The following GLIS3 variants were observed in gnomAD, a reference collection of about 807,000 sequenced individuals.
GLIS3 encodes zinc finger protein GLIS3.
Under a neutral mutation model 78.6 loss-of-function variants are expected in GLIS3, and 53 were observed. That is an observed-to-expected ratio of 0.67 (90% CI 0.54 to 0.85). GLIS3 has a LOEUF of 0.85. Ranked by LOEUF, GLIS3 falls within the 40% of genes least tolerant of loss-of-function variation. The pLI, the probability that GLIS3 is intolerant of heterozygous loss-of-function variation, is 0.00. For synonymous variants in GLIS3, 684 were observed against 509.9 expected, an observed-to-expected ratio of 1.34 and a Z score of -4.60; for missense variants, 1,703 against 1,231.1, an observed-to-expected ratio of 1.38 and a Z score of -5.74.
At chr9:4,055,200 T>C (rs1167596672) in intron 4 of GLIS3, among the ~76,000 whole-genome samples, 1 of 152,222 alleles carries the variant, frequency 6.6e-6, no homozygotes, top group Non-Finnish European at 1.5e-5. Flanking sequence ...TTGTCATTCT[T>C]GACATCAATA....
chr9:4,103,622 G>A (rs536376102), intron 4 of GLIS3, among the ~76,000 whole-genome samples: 1 of 152,272 alleles, frequency 6.6e-6, no homozygotes, highest in South Asian at 2.1e-4. Flanking sequence ...CCTCATGGTA[G>A]AACTAACACA....
chr9:4,444,411 A>T, the GLIS3 span, among the ~76,000 whole-genome samples: 3 of 152,232 alleles, frequency 2.0e-5, no homozygotes, highest in Non-Finnish European at 2.9e-5. Flanking sequence ...TAACATCATT[A>T]GCTCAACTAT....
At chr9:4,459,830 C>G in the GLIS3 span, among the ~76,000 whole-genome samples, 73,884 of 151,910 alleles carry the variant, frequency 0.49, 18,186 homozygotes, top group South Asian at 0.61. Flanking sequence ...AAAGAAAAAG[C>G]GGGAGAAAAA....
At chr9:4,167,030 C>A (rs537360256) in intron 2 of GLIS3, among the ~76,000 whole-genome samples, 11 of 152,176 alleles carry the variant, frequency 7.2e-5, no homozygotes, top group East Asian at 3.8e-4. Flanking sequence ...GAAAGACAGA[C>A]GAACAAAACA....
chr9:4,243,360 G>C (rs917290364), intron 2 of GLIS3, among the ~76,000 whole-genome samples: 1 of 150,580 alleles, frequency 6.6e-6, no homozygotes, highest in African/African-American at 2.4e-5. Context: ...CCAGTAGACA[G>C]AACCTCCATA....
rs138925235 is a variant in GLIS3 at position 4,234,365 on chromosome 9, A to G, written c.388+51673T>C. ...CATTCTAGGGTTATTAATTGGCTTA[A>G]TTTCAATACTGCTGTGTTTTAAGGA... On this transcript the variant is annotated intron_variant, in intron 2 of 10. Coordinates refer to ENST00000381971, the MANE Select transcript of GLIS3 (RefSeq NM_001042413.2). 5.4e-3 allele frequency among the ~76,000 whole-genome samples: 823 copies of G among 152,292 alleles called. 8 individuals are homozygous for G. The highest frequency in any genetic ancestry group is 0.019 in the African/African-American group (789 of 41,544).
chr9:3,937,192 G>T lies in GLIS3; in HGVS notation c.1711-3C>A. ...AAGGCCTTCTCGCAACCTTCAAACTGCAAAAAGAAAACAATTTTTGGTGGT... is the reference window on the plus strand; with the variant it reads ...AAGGCCTTCTCGCAACCTTCAAACTTCAAAAAGAAAACAATTTTTGGTGGT... On this transcript the variant is annotated splice_region_variant and splice_polypyrimidine_tract_variant and intron_variant, in intron 4 of 10. Coordinates refer to ENST00000381971, the MANE Select transcript of GLIS3 (RefSeq NM_001042413.2). 3 of 1,613,860 alleles carry T rather than the reference G, an allele frequency of 1.9e-6. No homozygotes were observed. Among genetic ancestry groups the T allele is most frequent in the Non-Finnish European group, 2.5e-6 (3 of 1,179,910 alleles).
the GLIS3 span, among the ~76,000 whole-genome samples, chr9:4,390,376 T>A: frequency 6.6e-6 from 1 of 152,206 alleles, no homozygotes; most frequent in Non-Finnish European, 1.5e-5. Context: ...AAAGTCTTTT[T>A]TTTTTTTTAA....
rs942409263 is a variant in GLIS3, at chr9:4,095,913, C to G, written c.1710+21855G>C. Among the ~76,000 whole-genome samples, 5 of 148,922 alleles carry G rather than the reference C, an allele frequency of 3.4e-5. No homozygotes were observed. The South Asian group carries it at 8.5e-4, about 25-fold the overall frequency. On this transcript the variant is annotated intron_variant, in intron 4 of 10. Coordinates refer to ENST00000381971, the MANE Select transcript of GLIS3 (RefSeq NM_001042413.2). ...GTTGCTGTCCTGGTTTCAAAGCCAA[C>G]AAGTTACAGAGCAAGGAATCAAACC...
intron 4 of GLIS3, among the ~76,000 whole-genome samples, chr9:3,990,778 T>C (rs1820171469): frequency 6.6e-6 from 1 of 152,212 alleles, no homozygotes; most frequent in South Asian, 2.1e-4. Context: ...CGTATGTATA[T>C]TTTAGTATTT....
At chr9:4,312,909 T>C (rs1165603758) in intron 2 of GLIS3, among the ~76,000 whole-genome samples, 1 of 152,246 alleles carries the variant, frequency 6.6e-6, no homozygotes, top group Non-Finnish European at 1.5e-5. Flanking sequence ...ATCCTCACAG[T>C]AACACTACGA....
At chr9:4,254,839 C>CAAAAAAAAAAAAAAAAAAAAA (rs751442404) in intron 2 of GLIS3, among the ~76,000 whole-genome samples, 1 of 70,036 alleles carries the variant, frequency 1.4e-5, no homozygotes, top group Non-Finnish European at 2.9e-5. Context: ...GACTACGTCT[C>CAAAAAAAAAAAAAAAAAAAAA]AAAAAAAAAA....
At position 4,054,170 on chromosome 9, in the gene GLIS3, AG is replaced by A. The variant is rs538982490; in HGVS notation, c.1710+63597del. ...AGGTTAACCACCCACCCAAAGTCACAGGACTCTCTGGTGGCACAGCAGGAAG... is the reference window on the plus strand; with the variant it reads ...AGGTTAACCACCCACCCAAAGTCACAGACTCTCTGGTGGCACAGCAGGAAG... On this transcript the variant is annotated intron_variant, in intron 4 of 10. Transcript: ENST00000381971. 1.6e-3 allele frequency: 332 copies of A among 208,316 alleles called. 1 individual carries two copies. Among genetic ancestry groups the A allele is most frequent in the African/African-American group, 7.6e-3 (322 of 42,586 alleles). 12.9% of individuals were successfully genotyped at this position (208,316 alleles called of 1,614,324 possible).
At chr9:4,315,486 CTA>C (rs1817423045) in intron 2 of GLIS3, among the ~76,000 whole-genome samples, 6 of 152,306 alleles carry the variant, frequency 3.9e-5, no homozygotes, top group African/African-American at 1.2e-4. Flanking sequence ...AAATGAACCT[CTA>C]TTTTTTAAAG....
the GLIS3 span, among the ~76,000 whole-genome samples, chr9:4,417,129 G>A: frequency 6.6e-6 from 1 of 152,062 alleles, no homozygotes; most frequent in Non-Finnish European, 1.5e-5. Context: ...TTAGTAAACT[G>A]AATAACAAAT....
chr9:4,401,483 C>T, the GLIS3 span, among the ~76,000 whole-genome samples: 2 of 151,560 alleles, frequency 1.3e-5, no homozygotes, highest in Admixed American at 6.6e-5. Flanking sequence ...AGGCTGGTCT[C>T]GAAATCTCAA....
In GLIS3 at chr9:3,833,402, G is replaced by A. The variant is rs540024397; in HGVS notation, c.2474-3910C>T. 1.7e-3 allele frequency among the ~76,000 whole-genome samples: 261 copies of A among 152,266 alleles called. 1 individual carries two copies. Among genetic ancestry groups the A allele is most frequent in the Non-Finnish European group, 3.0e-3 (204 of 68,022 alleles). ...TGCCACACACACAAATCCAGAGAAG[G>A]CCTAACTCATTTTCTGATGAATGGC... On this transcript the variant is annotated intron_variant, in intron 9 of 10. Coordinates refer to ENST00000381971, the MANE Select transcript of GLIS3 (RefSeq NM_001042413.2).
At chr9:4,300,374 G>GATTTGAT (rs1227849282), upstream of GLIS3, among the ~76,000 whole-genome samples, 4 of 151,670 alleles carry the variant, frequency 2.6e-5, no homozygotes, top group Non-Finnish European at 4.4e-5. Flanking sequence ...GTTTAGACAG[G>GATTTGAT]ATTTGATGTC....
chr9:4,055,494 CTT>C (rs1184811096), intron 4 of GLIS3, among the ~76,000 whole-genome samples: 4 of 152,230 alleles, frequency 2.6e-5, no homozygotes, highest in Non-Finnish European at 5.9e-5. Flanking sequence ...AGCTTGCACT[CTT>C]GAGATGCACA....
Sources: allele counts gnomAD v4.1 joint callset (sites outside exome capture counted in the v4.1 genomes callset), GRCh38; gene constraint gnomAD v4.1.1; transcripts MANE v1.5; gene names NCBI Gene and HGNC (gene_info 2026-07-23, HGNC 2026-07-21).